CPNE8: variants seen among roughly 807,000 people sequenced by gnomAD.
CPNE8 encodes copine 8, also known as copine-8.
In CPNE8, 45 loss-of-function variants were observed where a neutral mutation model predicts 81.5. The ratio of observed to expected loss-of-function variants is 0.55; its 90% confidence interval spans 0.44 to 0.71. CPNE8 has a LOEUF of 0.71. Ranked by LOEUF, CPNE8 falls within the 30% of genes least tolerant of loss-of-function variation. CPNE8 has a pLI of 0.00. For synonymous variants in CPNE8, 252 were observed against 226.3 expected (o/e 1.11, Z -1.02); for missense variants, 594 against 672.1 (o/e 0.88, Z 1.28).
rs1374068375 is a variant in CPNE8 at position 38,844,184 on chromosome 12, TTATC to T, written c.291-4233_291-4230del. Among the ~76,000 whole-genome samples, 3 of 152,172 alleles carry T rather than the reference TTATC, an allele frequency of 2.0e-5. No homozygotes were observed. In the East Asian group the frequency reaches 5.8e-4, roughly 29 times the overall value. On this transcript the variant is annotated intron_variant, in intron 4 of 19. Coordinates refer to ENST00000331366, the MANE Select transcript of CPNE8 (RefSeq NM_153634.3). ...TTTTATTTATCAAGAAAGAAAATAATTATCTAGGTAAGTCATATCTAGACTCAGA... is the reference window on the plus strand; with the variant it reads ...TTTTATTTATCAAGAAAGAAAATAATTAGGTAAGTCATATCTAGACTCAGA...
At chr12:38,878,259 C>T (rs1018885732) in intron 1 of CPNE8, among the ~76,000 whole-genome samples, 3 of 152,150 alleles carry the variant, frequency 2.0e-5, no homozygotes, top group African/African-American at 7.2e-5. Context: ...TGACTCACCT[C>T]GAAATCTTTC....
intron 1 of CPNE8, among the ~76,000 whole-genome samples, chr12:38,904,806 T>C (rs1944542869): frequency 6.6e-6 from 1 of 151,784 alleles, no homozygotes; most frequent in Non-Finnish European, 1.5e-5. Context: ...AGCACTCAGA[T>C]GTGGGCCCGA....
At chr12:38,837,610 T>C (rs984715910) in intron 5 of CPNE8, among the ~76,000 whole-genome samples, 1 of 151,922 alleles carries the variant, frequency 6.6e-6, no homozygotes, top group Non-Finnish European at 1.5e-5. Context: ...AAGTGACAGA[T>C]AATGGGTAAA....
At chr12:38,820,449 GA>G (rs1943095394) in intron 6 of CPNE8, among the ~76,000 whole-genome samples, 1 of 151,896 alleles carries the variant, frequency 6.6e-6, no homozygotes, top group Admixed American at 6.6e-5. Context: ...AAACTCATCT[GA>G]ATAAATTAGT....
In CPNE8 at chr12:38,682,522, C is replaced by T. The variant is rs538467697; in HGVS notation, c.1271+2968G>A. On this transcript the variant is annotated intron_variant, in intron 16 of 19. Transcript: ENST00000331366. ...GCAGTGAGCCGAGATCATCCCACTG[C>T]ACTCCAGCCTGGGCGACAGAGCAAA... 2.2e-4 allele frequency among the ~76,000 whole-genome samples: 33 copies of T among 152,348 alleles called. No homozygotes were observed. In the South Asian group the frequency reaches 6.8e-3, roughly 32 times the overall value.
In CPNE8 at chr12:38,682,867, G is replaced by C. The variant is rs567885295; in HGVS notation, c.1271+2623C>G. ...GGTGAGTGCTGGTTGAATACTGGAT[G>C]TTCTTGAATGCCAAGCTAAACCGTC... On this transcript the variant is annotated intron_variant, in intron 16 of 19. Coordinates refer to ENST00000331366, the MANE Select transcript of CPNE8 (RefSeq NM_153634.3). 1.3e-4 allele frequency among the ~76,000 whole-genome samples: 20 copies of C among 152,242 alleles called. No individual in the cohort carries two copies. The East Asian group carries it at 3.7e-3, about 28-fold the overall frequency.
At chr12:38,808,880 T>C (rs1160970835) in intron 6 of CPNE8, among the ~76,000 whole-genome samples, 39 of 152,028 alleles carry the variant, frequency 2.6e-4, no homozygotes, top group Admixed American at 2.6e-3. Flanking sequence ...TAGAATATGA[T>C]AAACAAGCAA....
At chr12:38,872,433 T>C (rs963631254) in intron 3 of CPNE8, among the ~76,000 whole-genome samples, 1 of 152,214 alleles carries the variant, frequency 6.6e-6, no homozygotes, top group Non-Finnish European at 1.5e-5. Flanking sequence ...TATAGGCAGA[T>C]GGAAATGCCT....
At chr12:38,813,944 G>A (rs1365434392) in intron 6 of CPNE8, among the ~76,000 whole-genome samples, 1 of 152,138 alleles carries the variant, frequency 6.6e-6, no homozygotes, top group Non-Finnish European at 1.5e-5. Context: ...AGCACCTGGG[G>A]TACATGACAC....
In CPNE8 at chr12:38,653,260, C is replaced by T. The variant is rs1218906661; in HGVS notation, c.*622G>A. 1 of 152,584 alleles carries T rather than the reference C, an allele frequency of 6.6e-6. No homozygotes were observed. Among genetic ancestry groups the T allele is most frequent in the Non-Finnish European group, 1.5e-5 (1 of 68,016 alleles). The allele number at this position is 152,584 out of a possible 1,614,324, so 9.5% of individuals were successfully genotyped here. A position where few individuals can be genotyped will look rare whatever the true frequency, so the allele number is the denominator to read the frequency against. On this transcript the variant is annotated 3_prime_UTR_variant, in exon 20 of 20. Coordinates refer to ENST00000331366, the MANE Select transcript of CPNE8 (RefSeq NM_153634.3). ...GGCTTAAACTCCCATACCCAGCAAA[C>T]ATTGCTGAGAAATTGTTTATTAAGC...
intron 13 of CPNE8, among the ~76,000 whole-genome samples, chr12:38,707,881 A>G (rs1940151475): frequency 6.6e-6 from 1 of 152,214 alleles, no homozygotes; most frequent in Non-Finnish European, 1.5e-5. Context: ...ACAATGATTT[A>G]TGGAGCACCT....
chr12:38,856,411 A>C (rs904958448), intron 3 of CPNE8, among the ~76,000 whole-genome samples: 1 of 152,120 alleles, frequency 6.6e-6, no homozygotes, highest in African/African-American at 2.4e-5. Flanking sequence ...TGGAAAAGAA[A>C]ATTATAGACC....
At chr12:38,836,443 T>A (rs1943382463) in intron 5 of CPNE8, among the ~76,000 whole-genome samples, 1 of 151,950 alleles carries the variant, frequency 6.6e-6, no homozygotes, top group South Asian at 2.1e-4. Flanking sequence ...CCTAACAGTA[T>A]CAAAAAACAG....
chr12:38,767,518 T>C, intron 8 of CPNE8, 117 bp downstream of exon 8: 2 of 601,024 alleles, frequency 3.3e-6, no homozygotes, highest in Non-Finnish European at 5.4e-6. Flanking sequence ...TATCAATTTT[T>C]AAAATCTCAA....
At chr12:38,682,936 AT>A (rs1308465470) in intron 16 of CPNE8, among the ~76,000 whole-genome samples, 1 of 152,176 alleles carries the variant, frequency 6.6e-6, no homozygotes, top group Non-Finnish European at 1.5e-5. Flanking sequence ...GTTGAGTAGG[AT>A]TTTACATCAT....
intron 16 of CPNE8, among the ~76,000 whole-genome samples, chr12:38,683,675 A>G (rs1325109429): frequency 6.6e-6 from 1 of 152,138 alleles, no homozygotes; most frequent in Non-Finnish European, 1.5e-5. Flanking sequence ...GTGGTCTTAT[A>G]CTAAGAAATG....
At chr12:38,718,594 G>T (rs377611741) in intron 13 of CPNE8, among the ~76,000 whole-genome samples, 1 of 152,210 alleles carries the variant, frequency 6.6e-6, no homozygotes, top group Non-Finnish European at 1.5e-5. Context: ...CAGATTTGGG[G>T]AATATAAATT....
chr12:38,785,811 G>A (rs1942171886), intron 6 of CPNE8, among the ~76,000 whole-genome samples: 1 of 151,986 alleles, frequency 6.6e-6, no homozygotes, highest in African/African-American at 2.4e-5. Context: ...TTACTTCCTT[G>A]TTTATGCAAA....
At chr12:38,876,211 G>C (rs535325126) in intron 1 of CPNE8, among the ~76,000 whole-genome samples, 1 of 152,182 alleles carries the variant, frequency 6.6e-6, no homozygotes, top group East Asian at 1.9e-4. Flanking sequence ...CAATAGGACA[G>C]ATGAGTATTC....
Sources: allele counts gnomAD v4.1 joint callset (sites outside exome capture counted in the v4.1 genomes callset), GRCh38; gene constraint gnomAD v4.1.1; transcripts MANE v1.5; gene names NCBI Gene and HGNC (gene_info 2026-07-23, HGNC 2026-07-21).